BAZ2B: variants seen among roughly 807,000 people sequenced by gnomAD.
BAZ2B encodes bromodomain adjacent to zinc finger domain protein 2B.
BAZ2B carries 91 observed loss-of-function variants against 246.0 expected under a neutral mutation model. The ratio of observed to expected loss-of-function variants is 0.37; its 90% CI spans 0.31 to 0.44. The LOEUF (loss-of-function observed/expected upper bound fraction) is 0.44, where lower values mean the gene tolerates loss of function less well. Among genes scored for constraint, BAZ2B ranks in the 20% least tolerant of loss-of-function variants. The pLI, the probability that BAZ2B is intolerant of heterozygous loss-of-function variation, is 1.00. For synonymous variants in BAZ2B, 855 were observed against 860.0 expected (o/e 0.99, Z 0.10); for missense variants, 2,332 against 2,533.7 (o/e 0.92, Z 1.71).
intron 35 of BAZ2B, among the ~76,000 whole-genome samples, 182 bp from the exon 36 acceptor site, chr2:159,325,136 T>TA (rs1160781014): frequency 2.2e-5 from 1 of 44,964 alleles, no homozygotes; most frequent in African/African-American, 9.2e-5. Flanking sequence ...TATATATATA[T>TA]ATATATATAT....
intron 6 of BAZ2B, among the ~76,000 whole-genome samples, chr2:159,441,862 C>T (rs1322513190): frequency 6.6e-6 from 1 of 152,086 alleles, no homozygotes. Context: ...TATTAATTTT[C>T]CCCCATCCAA....
chr2:159,451,699 G>T (rs1399620581), intron 4 of BAZ2B, among the ~76,000 whole-genome samples: 1 of 152,118 alleles, frequency 6.6e-6, no homozygotes, highest in East Asian at 1.9e-4. Flanking sequence ...GATGTCCAAA[G>T]AATTTTGTAC....
At chr2:159,493,591 G>T (rs189726274) in intron 2 of BAZ2B, among the ~76,000 whole-genome samples, 22 of 152,298 alleles carry the variant, frequency 1.4e-4, no homozygotes, top group Middle Eastern at 3.4e-3. Context: ...TCTTCACAGG[G>T]TATACTTACC....
At position 159,349,811 on chromosome 2, in the gene BAZ2B, T is replaced by G. The variant is rs1172572518; in HGVS notation, c.4760A>C (p.Gln1587Pro). 1.2e-6 allele frequency: 2 copies of G among 1,614,132 alleles called. No homozygotes were observed. The highest frequency in any genetic ancestry group is 1.7e-6 in the Non-Finnish European group (2 of 1,179,978). The change falls in exon 28 of 37, where the codon CAG becomes CCG. Residue 1587 changes from glutamine (Q) to proline (P), a missense_variant. Gln to Pro is a moderately conservative substitution (Grantham distance 76). This residue lies in a region of BAZ2B where 676 missense variants were observed against 668.6 expected (regional missense o/e 1.01). Coordinates refer to ENST00000392783, the MANE Select transcript of BAZ2B (RefSeq NM_013450.4). ...DMSTASLVTP[Q>P]SQPPSKSPSP... ...AGGTGACTTAGATGGTGGCTGAGAC[T>G]GAGGAGTCACCAAAGAAGCAGTTGA...
chr2:159,342,758 T>G (rs2066959226), intron 31 of BAZ2B, among the ~76,000 whole-genome samples: 1 of 151,932 alleles, frequency 6.6e-6, no homozygotes, highest in Non-Finnish European at 1.5e-5. Context: ...TATAAAACAC[T>G]GATTAAAAAA....
chr2:159,575,513 C>T (rs188474969), intron 1 of BAZ2B, among the ~76,000 whole-genome samples: 1 of 152,144 alleles, frequency 6.6e-6, no homozygotes, highest in East Asian at 1.9e-4. Flanking sequence ...CAAACCTTTG[C>T]CTCCAAAGAA....
chr2:159,698,524 A>AAC, the BAZ2B span, among the ~76,000 whole-genome samples: 7 of 145,920 alleles, frequency 4.8e-5, no homozygotes, highest in East Asian at 1.2e-3. Flanking sequence ...ACAAAAAAAA[A>AAC]AAAACAAAAA....
the BAZ2B span, among the ~76,000 whole-genome samples, chr2:159,710,304 G>A: frequency 4.0e-5 from 6 of 151,862 alleles, no homozygotes; most frequent in African/African-American, 7.3e-5. Flanking sequence ...TGCCTCCTGG[G>A]TTCAAGTGAT....
intron 13 of BAZ2B, among the ~76,000 whole-genome samples, chr2:159,415,596 T>C (rs2067572442): frequency 6.6e-6 from 1 of 152,212 alleles, no homozygotes; most frequent in Non-Finnish European, 1.5e-5. Flanking sequence ...TTATTATTTC[T>C]TTTTAAGAGT....
At chr2:159,688,769 A>G in the BAZ2B span, among the ~76,000 whole-genome samples, 2 of 152,170 alleles carry the variant, frequency 1.3e-5, no homozygotes. Context: ...AAAAGTACAA[A>G]CCATTTATTT....
chr2:159,317,904 T>A (rs1316724811), downstream of BAZ2B, among the ~76,000 whole-genome samples: 1 of 152,218 alleles, frequency 6.6e-6, no homozygotes, highest in Non-Finnish European at 1.5e-5. Context: ...ACCGCAGCCC[T>A]TGTGGGCTCA....
chr2:159,473,274 G>T (rs1185181992), intron 3 of BAZ2B, among the ~76,000 whole-genome samples: 1 of 152,106 alleles, frequency 6.6e-6, no homozygotes, highest in African/African-American at 2.4e-5. Flanking sequence ...TCAGGGATTC[G>T]ACCTCTTCCT....
intron 16 of BAZ2B, 112 bp downstream of exon 16, chr2:159,404,737 A>T: frequency 1.1e-6 from 1 of 945,578 alleles, no homozygotes; most frequent in Non-Finnish European, 1.5e-6. Context: ...AATAAGACAC[A>T]AATATTAATG....
intron 1 of BAZ2B, among the ~76,000 whole-genome samples, chr2:159,605,342 G>T (rs1457734234): frequency 6.6e-6 from 1 of 152,028 alleles, no homozygotes; most frequent in African/African-American, 2.4e-5. Context: ...GGCTTGATAA[G>T]TGATTTTTAT....
upstream of BAZ2B, among the ~76,000 whole-genome samples, chr2:159,617,269 A>G (rs930081459): frequency 3.9e-5 from 6 of 152,276 alleles, no homozygotes; most frequent in East Asian, 1.2e-3. Context: ...GTCATATGCT[A>G]TGGTCTACCC....
intron 19 of BAZ2B, 171 bp downstream of exon 19, chr2:159,397,174 A>G: frequency 7.2e-7 from 1 of 1,390,712 alleles, no homozygotes; most frequent in Non-Finnish European, 9.8e-7. Flanking sequence ...TAACCCCCCA[A>G]AAAGACACCA....
chr2:159,473,298 G>C (rs545677813), intron 3 of BAZ2B, among the ~76,000 whole-genome samples: 18 of 152,288 alleles, frequency 1.2e-4, no homozygotes, highest in African/African-American at 4.1e-4. Flanking sequence ...TTTGTCTTGG[G>C]AGGGTGTATG....
In BAZ2B at chr2:159,334,237, C is replaced by T. The variant is rs144201957; in HGVS notation, c.5797-1551G>A. On this transcript the variant is annotated intron_variant, in intron 33 of 36. Transcript: ENST00000392783. ...CCTGATACTTTTAAAGAAAGGGTGA[C>T]AGATATCAAACTCATAACAATTTTG... Among the ~76,000 whole-genome samples, 706 of 152,174 alleles carry T rather than the reference C, an allele frequency of 4.6e-3. 3 individuals carry two copies. The highest frequency in any genetic ancestry group is 0.016 in the African/African-American group (679 of 41,536).
intron 2 of BAZ2B, among the ~76,000 whole-genome samples, chr2:159,488,981 AT>A (rs1251004971): frequency 1.3e-5 from 2 of 152,328 alleles, no homozygotes; most frequent in Non-Finnish European, 2.9e-5. Flanking sequence ...AGCCACATGT[AT>A]TTTGAGAACC....
Sources: gnomAD v4.1 joint callset for allele counts (sites outside exome capture counted in the v4.1 genomes callset) on GRCh38, gnomAD v4.1.1 for gene constraint, gnomAD v4.1.1 regional missense constraint, MANE v1.5 for transcripts, NCBI Gene and HGNC (gene_info 2026-07-23, HGNC 2026-07-21) for gene names.